The following SLC9D1 variants were observed in gnomAD, a reference collection of about 807,000 sequenced individuals.
SLC9D1 encodes solute carrier family 9 member D1.
At chr13:113,548,816 G>C in the SLC9D1 span, among the ~76,000 whole-genome samples, 1 of 152,218 alleles carries the variant, frequency 6.6e-6, no homozygotes, top group Admixed American at 6.5e-5. Flanking sequence ...GCTGGGTGGA[G>C]GTTCCTGTGG....
At chr13:113,535,474 T>C in the SLC9D1 span, among the ~76,000 whole-genome samples, 63,640 of 152,034 alleles carry the variant, frequency 0.42, 14,986 homozygotes, top group African/African-American at 0.64. This position sits in a 1 kb window ranked among gnomAD's most constrained non-coding sequence, Gnocchi z 4.1. Flanking sequence ...CCCAGAGAAA[T>C]GAAGCCGTGT....
chr13:113,548,555 G>A, the SLC9D1 span: 4 of 1,324,606 alleles, frequency 3.0e-6, no homozygotes, highest in African/African-American at 1.5e-5. Context: ...GCGGGGCCTG[G>A]GGGCAGGGTC....
the SLC9D1 span, chr13:113,510,261 G>T: frequency 6.2e-7 from 1 of 1,614,116 alleles, no homozygotes; most frequent in East Asian, 2.2e-5. Flanking sequence ...CCTTACAAGG[G>T]CCGTGTTACA....
At chr13:113,494,502 C>T in the SLC9D1 span, among the ~76,000 whole-genome samples, 1 of 152,118 alleles carries the variant, frequency 6.6e-6, no homozygotes, top group Non-Finnish European at 1.5e-5. Context: ...TCCTCATTCC[C>T]CCAGCAGTAA....
the SLC9D1 span, chr13:113,528,011 G>T: frequency 1.2e-4 from 19 of 152,096 alleles, no homozygotes; most frequent in African/African-American, 4.6e-4. Flanking sequence ...CTTTTATGTA[G>T]CCTTTATTTC....
chr13:113,510,966 C>G, the SLC9D1 span, among the ~76,000 whole-genome samples: 4 of 151,828 alleles, frequency 2.6e-5, no homozygotes, highest in Non-Finnish European at 5.9e-5. Flanking sequence ...AGGACCGTGT[C>G]CCTCTGCGGG....
the SLC9D1 span, chr13:113,529,481 T>A: frequency 1.3e-5 from 2 of 152,108 alleles, no homozygotes; most frequent in Non-Finnish European, 2.9e-5. Context: ...AAACCCCGTC[T>A]CTACTAAAAA....
the SLC9D1 span, among the ~76,000 whole-genome samples, chr13:113,517,021 A>T: frequency 6.6e-6 from 1 of 152,234 alleles, no homozygotes; most frequent in African/African-American, 2.4e-5. Flanking sequence ...CAGGTCTGCA[A>T]GAGAACCTTG....
chr13:113,549,325 A>C, the SLC9D1 span: 1 of 1,329,490 alleles, frequency 7.5e-7, no homozygotes, highest in Admixed American at 2.0e-5. Context: ...CTAGCTTTGC[A>C]GGCGTCCCTC....
the SLC9D1 span, chr13:113,534,380 A>T: frequency 1.4e-6 from 1 of 726,382 alleles, no homozygotes; most frequent in Non-Finnish European, 2.2e-6. Context: ...TATTTTATAC[A>T]CACTTTCTTA....
the SLC9D1 span, chr13:113,534,137 A>G: frequency 6.2e-7 from 1 of 1,613,618 alleles, no homozygotes; most frequent in African/African-American, 1.3e-5. Flanking sequence ...GTTATAAAGA[A>G]GTATCTCATT....
At chr13:113,546,325 G>A in the SLC9D1 span, among the ~76,000 whole-genome samples, 2 of 151,928 alleles carry the variant, frequency 1.3e-5, no homozygotes, top group African/African-American at 4.8e-5. This position sits in a 1 kb window ranked among gnomAD's most constrained non-coding sequence, Gnocchi z 7.1. Flanking sequence ...GTGGGGCTGG[G>A]GCTGATGAGG....
the SLC9D1 span, among the ~76,000 whole-genome samples, chr13:113,520,260 T>C: frequency 0.21 from 31,929 of 151,972 alleles, 4,083 homozygotes; most frequent in African/African-American, 0.36. Flanking sequence ...CCAGGGCAGG[T>C]GGATCACAAG....
chr13:113,495,672 C>T, the SLC9D1 span: 11 of 1,609,044 alleles, frequency 6.8e-6, no homozygotes, highest in Middle Eastern at 1.7e-4. Flanking sequence ...GGTGGCGCAG[C>T]GTGTGATCAA....
At chr13:113,542,467 A>G in the SLC9D1 span, among the ~76,000 whole-genome samples, 1 of 152,212 alleles carries the variant, frequency 6.6e-6, no homozygotes, top group South Asian at 2.1e-4. Context: ...AATGCGTGTT[A>G]TTCTCATCAC....
At chr13:113,543,673 G>A in the SLC9D1 span, among the ~76,000 whole-genome samples, 7 of 149,636 alleles carry the variant, frequency 4.7e-5, no homozygotes, top group Admixed American at 4.0e-4. Flanking sequence ...CATTGCTCCA[G>A]CCCCAGGCTG....
At chr13:113,540,259 A>G in the SLC9D1 span, among the ~76,000 whole-genome samples, 2 of 152,182 alleles carry the variant, frequency 1.3e-5, no homozygotes, top group South Asian at 4.1e-4. Flanking sequence ...CAAACTCAGC[A>G]GTGGGATTGC....
the SLC9D1 span, chr13:113,505,102 C>T: frequency 2.6e-5 from 4 of 152,124 alleles, no homozygotes; most frequent in Non-Finnish European, 5.9e-5. Context: ...TGTATATCTT[C>T]TTTAGAGAAT....
At chr13:113,520,815 G>A in the SLC9D1 span, 1 of 1,017,350 alleles carries the variant, frequency 9.8e-7, no homozygotes, top group Admixed American at 1.8e-5. Context: ...CTTTTCCAAA[G>A]AGATGTTCTG....
Sources: gnomAD v4.1 joint callset for allele counts (sites outside exome capture counted in the v4.1 genomes callset) on GRCh38, gnomAD v4.1.1 for gene constraint, Gnocchi (gnomAD v3.1) non-coding constraint, MANE v1.5 for transcripts, NCBI Gene and HGNC (gene_info 2026-07-23, HGNC 2026-07-21) for gene names.